The following PPP6R3 variants were observed in gnomAD, a reference collection of about 807,000 sequenced individuals.
PPP6R3 encodes the protein serine/threonine-protein phosphatase 6 regulatory subunit 3.
PPP6R3 carries 38 observed loss-of-function variants against 110.7 expected under a neutral mutation model. That is an observed-to-expected ratio of 0.34 (90% CI 0.26 to 0.45). PPP6R3 has a LOEUF of 0.45. PPP6R3 is among the 20% of genes least tolerant of loss of function. The pLI is 1.00. For missense variants in PPP6R3, 870 were observed against 1,062.4 expected, an observed-to-expected ratio of 0.82 and a Z score of 2.52; for synonymous variants, 369 against 373.5, an observed-to-expected ratio of 0.99 and a Z score of 0.14.
At chr11:68,584,254 C>CG (rs1305210475) in intron 15 of PPP6R3, among the ~76,000 whole-genome samples, 5 of 152,210 alleles carry the variant, frequency 3.3e-5, no homozygotes, top group African/African-American at 1.2e-4. Context: ...TTAGGCTGCA[C>CG]GGGCCGTGGC....
intron 2 of PPP6R3, chr11:68,522,411 G>A (rs2099168545): frequency 6.6e-6 from 1 of 152,238 alleles, no homozygotes; most frequent in African/African-American, 2.4e-5. Flanking sequence ...TCACATGTCA[G>A]CCATTGAGAC....
chr11:68,529,333 C>G (rs1207201733), intron 2 of PPP6R3, among the ~76,000 whole-genome samples: 1 of 152,140 alleles, frequency 6.6e-6, no homozygotes, highest in Non-Finnish European at 1.5e-5. Flanking sequence ...ATTCTCCTGC[C>G]TCAACCTCCC....
In PPP6R3 at chr11:68,590,802, C is replaced by T. The variant is rs996138368; in HGVS notation, c.1785+88C>T. 29 of 1,383,148 alleles carry T rather than the reference C, an allele frequency of 2.1e-5. No homozygotes were observed. The East Asian group carries it at 7.1e-4, about 34-fold the overall frequency. The allele number at this position is 1,383,148 out of a possible 1,614,324, so 85.7% of individuals were successfully genotyped here. A position where few individuals can be genotyped will look rare whatever the true frequency, so the allele number is the denominator to read the frequency against. On this transcript the variant is annotated intron_variant, in intron 17 of 23. Transcript: ENST00000393800. Reference sequence around the variant, plus strand: ...TGTGTGGATGCCACATGCTGGGACCCCTGTGCTCTAGAGCCCTAATCCTAA... The same window carrying T: ...TGTGTGGATGCCACATGCTGGGACCTCTGTGCTCTAGAGCCCTAATCCTAA...
intron 1 of PPP6R3, among the ~76,000 whole-genome samples, chr11:68,513,158 C>A (rs1228556862): frequency 6.6e-6 from 1 of 152,092 alleles, no homozygotes; most frequent in South Asian, 2.1e-4. Context: ...AACCTCGTTA[C>A]CGGCATCCCG....
intron 1 of PPP6R3, among the ~76,000 whole-genome samples, chr11:68,487,584 G>A (rs764948428): frequency 4.6e-5 from 7 of 151,238 alleles, no homozygotes; most frequent in Non-Finnish European, 1.0e-4. Flanking sequence ...AAAAAAAATT[G>A]TATTTTTTTT....
chr11:68,606,461 C>G (rs939810863), intron 22 of PPP6R3, among the ~76,000 whole-genome samples: 3 of 150,400 alleles, frequency 2.0e-5, no homozygotes, highest in African/African-American at 7.4e-5. Context: ...CGCCACCATG[C>G]TCAGCAAATT....
At chr11:68,597,844 G>T (rs1043114360) in intron 19 of PPP6R3, among the ~76,000 whole-genome samples, 2 of 151,300 alleles carry the variant, frequency 1.3e-5, no homozygotes, top group African/African-American at 4.9e-5. Flanking sequence ...GCTGGGCATG[G>T]TGGCATACAC....
intron 6 of PPP6R3, among the ~76,000 whole-genome samples, chr11:68,553,883 A>G (rs1183730989): frequency 5.3e-5 from 8 of 152,094 alleles, no homozygotes; most frequent in African/African-American, 1.7e-4. Context: ...TTTCCCAACT[A>G]TTTTAGAAAT....
At chr11:68,540,367 T>C (rs188728299) in intron 3 of PPP6R3, among the ~76,000 whole-genome samples, 2 of 152,130 alleles carry the variant, frequency 1.3e-5, no homozygotes, top group South Asian at 2.1e-4. Flanking sequence ...ACCAGCAAGT[T>C]TTTATTAGAA....
At chr11:68,609,275 C>T (rs937726060) in intron 22 of PPP6R3, among the ~76,000 whole-genome samples, 2 of 152,222 alleles carry the variant, frequency 1.3e-5, no homozygotes, top group African/African-American at 4.8e-5. Flanking sequence ...GCCCCCTCTT[C>T]TCCCTCTGGC....
chr11:68,601,922 T>C lies in PPP6R3; in HGVS notation c.2252T>C (p.Met751Thr), dbSNP rs573717317. ...PVEMETSTEP[M>T]DPLTPSAAAL... ...GAAATGGAAACCAGCACTGAACCCATGGACCCTCTGACTCCCAGTGCGGCT... is the reference window on the plus strand; with the variant it reads ...GAAATGGAAACCAGCACTGAACCCACGGACCCTCTGACTCCCAGTGCGGCT... Residue 751 changes from methionine (M) to threonine (T), a missense_variant, in exon 21 of 24, where the codon ATG becomes ACG. Physicochemically the swap from Met to Thr is moderately conservative, Grantham distance 81 (BLOSUM62 -1). Coordinates refer to ENST00000393800, the MANE Select transcript of PPP6R3 (RefSeq NM_001164161.2). 6.2e-7 allele frequency: 1 copy of C among 1,613,654 alleles called. No homozygotes were observed. Among genetic ancestry groups the C allele is most frequent in the East Asian group, 2.2e-5 (1 of 44,860 alleles).
chr11:68,570,793 A>G (rs977319433), intron 11 of PPP6R3, among the ~76,000 whole-genome samples: 2 of 152,190 alleles, frequency 1.3e-5, no homozygotes, highest in Non-Finnish European at 2.9e-5. Flanking sequence ...AACTATAGGT[A>G]GTTAACTGCA....
chr11:68,464,700 C>T (rs1182306478), intron 1 of PPP6R3, among the ~76,000 whole-genome samples: 1 of 151,930 alleles, frequency 6.6e-6, no homozygotes, highest in Admixed American at 6.6e-5. Context: ...TATCTTAGGA[C>T]TTTTTTTTCT....
At chr11:68,481,456 G>A (rs2098911467) in intron 1 of PPP6R3, among the ~76,000 whole-genome samples, 2 of 152,344 alleles carry the variant, frequency 1.3e-5, no homozygotes, top group South Asian at 4.1e-4. Flanking sequence ...AGTTTGAAAT[G>A]CATAGGCAAT....
intron 3 of PPP6R3, among the ~76,000 whole-genome samples, chr11:68,540,287 T>A (rs927455405): frequency 1.5e-4 from 23 of 152,120 alleles, no homozygotes; most frequent in African/African-American, 5.6e-4. Context: ...GAAGAGAGAT[T>A]TTAAAAGCTG....
At chr11:68,530,976 A>G (rs2099235738) in intron 2 of PPP6R3, among the ~76,000 whole-genome samples, 1 of 152,096 alleles carries the variant, frequency 6.6e-6, no homozygotes, top group African/African-American at 2.4e-5. Flanking sequence ...CAGGGTTCTA[A>G]TAGTTTATCT....
At position 68,561,114 on chromosome 11, in the gene PPP6R3, C is replaced by T. The variant is rs755995825; in HGVS notation, c.845+2435C>T. ...CGGGGTTTCACCGTGGTCTCGATCTCCTGACCTTGTGATCCACCCCCCTCG... is the reference window on the plus strand; with the variant it reads ...CGGGGTTTCACCGTGGTCTCGATCTTCTGACCTTGTGATCCACCCCCCTCG... On this transcript the variant is annotated intron_variant, in intron 8 of 23. Transcript: ENST00000393800. Among the ~76,000 whole-genome samples the T allele has an allele frequency of 9.1e-4, 139 of 152,044 alleles. 3 individuals carry two copies. The highest frequency in any genetic ancestry group is 2.5e-4 in the Non-Finnish European group (17 of 67,990).
intron 1 of PPP6R3, among the ~76,000 whole-genome samples, chr11:68,493,474 C>T (rs566563914): frequency 6.6e-6 from 1 of 151,096 alleles, no homozygotes; most frequent in South Asian, 2.1e-4. Context: ...GCTTTGTCAC[C>T]CAGGCTGGTG....
At chr11:68,604,592 T>C (rs192269806) in intron 22 of PPP6R3, among the ~76,000 whole-genome samples, 144 of 152,364 alleles carry the variant, frequency 9.5e-4, no homozygotes, top group African/African-American at 3.3e-3. Context: ...TCGCTGTTGA[T>C]AGGCTATGAT....
Sources: gnomAD v4.1 joint callset for allele counts (sites outside exome capture counted in the v4.1 genomes callset) on GRCh38, gnomAD v4.1.1 for gene constraint, MANE v1.5 for transcripts, NCBI Gene and HGNC (gene_info 2026-07-23, HGNC 2026-07-21) for gene names.